The following HSP90AA1 variants were observed in gnomAD, a reference collection of about 807,000 sequenced individuals.
HSP90AA1 encodes the protein heat shock protein HSP 90-alpha.
In HSP90AA1, 18 loss-of-function variants were observed where a neutral mutation model predicts 73.3. The ratio of observed to expected loss-of-function variants is 0.25; its 90% CI spans 0.17 to 0.36. HSP90AA1 has a LOEUF of 0.36. Among genes scored for constraint, HSP90AA1 ranks in the 10% least tolerant of loss-of-function variants. The pLI is 1.00. For missense variants in HSP90AA1, 704 were observed against 874.2 expected (o/e 0.81, Z 2.45); for synonymous variants, 477 against 296.9 (o/e 1.61, Z -6.24).
At chr14:102,121,582 C>T (rs538609378) in intron 1 of HSP90AA1, among the ~76,000 whole-genome samples, 2 of 152,270 alleles carry the variant, frequency 1.3e-5, no homozygotes, top group South Asian at 4.1e-4. Flanking sequence ...CATCCTGTTT[C>T]TTAATACTTG....
intron 1 of HSP90AA1, among the ~76,000 whole-genome samples, chr14:102,117,607 C>T (rs762053507): frequency 3.3e-5 from 5 of 152,114 alleles, no homozygotes; most frequent in African/African-American, 4.8e-5. Context: ...CTCCTCGGGG[C>T]GGTTCTACCA....
chr14:102,139,241 C>A (rs373519712), intron 1 of HSP90AA1: 3 of 1,614,060 alleles, frequency 1.9e-6, no homozygotes, highest in Non-Finnish European at 2.5e-6. Context: ...ATCTTGAGTC[C>A]CTTGGTACCT....
intron 4 of HSP90AA1, 51 bp from the exon 5 acceptor site, chr14:102,085,049 G>A (rs377177954): frequency 1.1e-5 from 18 of 1,613,444 alleles, no homozygotes; most frequent in African/African-American, 1.3e-5. Context: ...AGAACTAAGC[G>A]ACAGCGCTGC....
intron 1 of HSP90AA1, among the ~76,000 whole-genome samples, chr14:102,119,540 G>A (rs189239286): frequency 7.2e-5 from 11 of 152,328 alleles, no homozygotes; most frequent in Non-Finnish European, 1.3e-4. Context: ...CCAGGCTGGA[G>A]AACAGTGGTG....
At chr14:102,098,164 T>C (rs1200241610) in intron 2 of HSP90AA1, among the ~76,000 whole-genome samples, 1 of 151,780 alleles carries the variant, frequency 6.6e-6, no homozygotes, top group Non-Finnish European at 1.5e-5. Context: ...TTCTTTTTCT[T>C]TTTTTTTGTT....
At chr14:102,130,159 C>T (rs1333075571) in intron 1 of HSP90AA1, among the ~76,000 whole-genome samples, 3 of 152,074 alleles carry the variant, frequency 2.0e-5, no homozygotes, top group South Asian at 2.1e-4. Context: ...TTAGTACAGA[C>T]GCAATTTCAC....
rs189837129 is a variant in HSP90AA1 at position 102,113,232 on chromosome 14, C to G, written c.156-11147G>C. On this transcript the variant is annotated intron_variant, in intron 1 of 11. Transcript: ENST00000334701. ...AGAGACACGGTTTCACCATGTTGGC[C>G]AGGCTGGTCTCGAACTCCTGACCTC... Among the ~76,000 whole-genome samples the G allele has an allele frequency of 7.9e-3, 1,194 of 151,882 alleles. 7 individuals carry two copies. Among genetic ancestry groups the G allele is most frequent in the Admixed American group, 0.012 (189 of 15,216 alleles).
intron 1 of HSP90AA1, among the ~76,000 whole-genome samples, 192 bp downstream of exon 1, chr14:102,086,794 G>T (rs1566722045): frequency 6.6e-6 from 1 of 151,608 alleles, no homozygotes; most frequent in Non-Finnish European, 1.5e-5. Flanking sequence ...CGGCCGCCCG[G>T]CCCATTCCTG....
At chr14:102,134,166 C>T (rs1172790671) in intron 1 of HSP90AA1, among the ~76,000 whole-genome samples, 1 of 148,956 alleles carries the variant, frequency 6.7e-6, no homozygotes, top group Non-Finnish European at 1.5e-5. Flanking sequence ...AAAAAAACCC[C>T]GTCTCTATAA....
At chr14:102,102,229 G>A (rs2049503590) in intron 1 of HSP90AA1, 3 of 730,962 alleles carry the variant, frequency 4.1e-6, no homozygotes, top group Admixed American at 4.0e-5. Flanking sequence ...ATTAAAATAT[G>A]TGATATGTTC....
chr14:102,129,493 A>G (rs868381477), intron 1 of HSP90AA1, among the ~76,000 whole-genome samples: 2 of 140,438 alleles, frequency 1.4e-5, no homozygotes, highest in African/African-American at 2.6e-5. Context: ...TTCTGTCTCT[A>G]TACTACATTC....
intron 1 of HSP90AA1, among the ~76,000 whole-genome samples, chr14:102,121,194 C>T (rs1234371261): frequency 1.3e-5 from 2 of 152,028 alleles, no homozygotes; most frequent in Non-Finnish European, 2.9e-5. Flanking sequence ...AGCCACCACA[C>T]CAGGCCTGTA....
chr14:102,084,410 G>C lies in HSP90AA1; in HGVS notation c.1136C>G (p.Pro379Arg), dbSNP rs912102168. ...CTATCTATACTTACTCAGATATTCA[G>C]GGATTAGCTCCTCACAGTTATCCAT... The part of the protein sequence containing the change: ...FIMDNCEELI[P>R]EYLNFIRGVV... The change falls in exon 6 of 11, where the codon CCT (proline) becomes CGT (arginine). Residue 379 changes from proline to arginine, a missense_variant. Transcript: ENST00000216281. 1 of 1,611,958 alleles carries C rather than the reference G, an allele frequency of 6.2e-7. No individual in the cohort carries two copies. The highest frequency in any genetic ancestry group is 8.5e-7 in the Non-Finnish European group (1 of 1,178,210).
intron 1 of HSP90AA1, among the ~76,000 whole-genome samples, chr14:102,135,492 A>C (rs901525452): frequency 2.0e-5 from 3 of 152,286 alleles, no homozygotes; most frequent in Non-Finnish European, 2.9e-5. Context: ...GCTGCCTGCC[A>C]GTCCTGCGCC....
chr14:102,086,098 G>C lies in HSP90AA1; in HGVS notation c.189C>G (p.Ser63Arg), dbSNP rs373573309. The C allele has an allele frequency of 6.2e-7, 1 of 1,614,022 alleles. No individual in the cohort carries two copies. Among genetic ancestry groups the C allele is most frequent in the Non-Finnish European group, 8.5e-7 (1 of 1,179,928 alleles). Residue 63 changes from serine to arginine, a missense_variant, in exon 3 of 11, where the codon AGC becomes AGG. Ser to Arg is a moderately radical substitution (Grantham distance 110). Coordinates refer to ENST00000216281, the MANE Select transcript of HSP90AA1 (RefSeq NM_005348.4). Reference protein sequence around the residue: ...SDALDKIRYESLTDPSKLDSG... With the variant: ...SDALDKIRYERLTDPSKLDSG... ...AGTCTAATTTACTGGGATCTGTCAA[G>C]CTTTCATACCGGATTTTGTCCAATG...
chr14:102,089,397 C>T (rs1000645012), upstream of HSP90AA1, among the ~76,000 whole-genome samples: 1 of 152,150 alleles, frequency 6.6e-6, no homozygotes, highest in Non-Finnish European at 1.5e-5. Flanking sequence ...TCCAGCTCTC[C>T]CCCCTCGGTT....
Position 102,084,882 on chromosome 14 carries a change from A to G in HSP90AA1, c.780T>C (p.Asp260=), listed in dbSNP as rs775861820. 23 of 1,553,558 alleles carry G rather than the reference A, an allele frequency of 1.5e-5. No homozygotes were observed. The highest frequency in any genetic ancestry group is 2.0e-5 in the Non-Finnish European group (22 of 1,125,544). ...TTTCTTCTTCCTCATCAGAACCAAC[A>G]TCTTCAATTTCAGGTTTGTCTTCCG... ...KESEDKPEIE[D]VGSDEEEEKK... The change falls in exon 5 of 11, where the codon GAT becomes GAC. Residue 260 remains aspartate, a synonymous_variant. Coordinates refer to ENST00000216281, the MANE Select transcript of HSP90AA1 (RefSeq NM_005348.4).
chr14:102,119,331 T>C lies in HSP90AA1; in HGVS notation c.156-17246A>G, dbSNP rs923171569. Among the ~76,000 whole-genome samples the C allele has an allele frequency of 5.3e-5, 8 of 152,234 alleles. 1 individual carries two copies. Among genetic ancestry groups the C allele is most frequent in the Admixed American group, 3.3e-4 (5 of 15,278 alleles). ...CTCAAGAACATGGTGTGCCTTTCCA[T>C]GTATTTAATTGTTCTTCTGAGTCCT... On this transcript the variant is annotated intron_variant, in intron 1 of 11. Coordinates refer to the HSP90AA1 transcript ENST00000334701.
chr14:102,088,085 C>A (rs922834732), upstream of HSP90AA1, among the ~76,000 whole-genome samples: 1 of 151,586 alleles, frequency 6.6e-6, no homozygotes, highest in Admixed American at 6.6e-5. Context: ...GTAGCTGGGA[C>A]GAGCGTGGGC....
Sources: allele counts gnomAD v4.1 joint callset (sites outside exome capture counted in the v4.1 genomes callset), GRCh38; gene constraint gnomAD v4.1.1; transcripts MANE v1.5; gene names NCBI Gene and HGNC (gene_info 2026-07-23, HGNC 2026-07-21).